The following SLC4A4 variants were observed in gnomAD, a reference collection of about 807,000 sequenced individuals.
SLC4A4 encodes electrogenic sodium bicarbonate cotransporter 1.
Under a neutral mutation model 111.5 loss-of-function variants are expected in SLC4A4, and 27 were observed. That is an observed-to-expected ratio of 0.24 (90% CI 0.18 to 0.33). The LOEUF (loss-of-function observed/expected upper bound fraction) is 0.33, where lower values mean the gene tolerates loss of function less well. SLC4A4 is among the 10% of genes least tolerant of loss of function. SLC4A4 has a pLI of 1.00. For missense variants in SLC4A4, 909 were observed against 1,315.5 expected, an observed-to-expected ratio of 0.69 and a Z score of 4.78; for synonymous variants, 443 against 463.4, an observed-to-expected ratio of 0.96 and a Z score of 0.57.
chr4:71,537,311 A>G (rs1011780431), intron 18 of SLC4A4, among the ~76,000 whole-genome samples: 5 of 152,038 alleles, frequency 3.3e-5, no homozygotes, highest in African/African-American at 7.2e-5. Context: ...ATATGTATAC[A>G]CATATGTCTA....
chr4:71,305,445 T>TTTA (rs1725603793), intron 3 of SLC4A4, among the ~76,000 whole-genome samples: 1 of 152,174 alleles, frequency 6.6e-6, no homozygotes, highest in Non-Finnish European at 1.5e-5. Context: ...TTTATAAGGG[T>TTTA]TTAGCATGTT....
intron 3 of SLC4A4, among the ~76,000 whole-genome samples, chr4:71,280,411 A>G (rs944409731): frequency 6.6e-6 from 1 of 152,104 alleles, no homozygotes; most frequent in African/African-American, 2.4e-5. Context: ...TTGTAGTCCC[A>G]TGTATTTATT....
intron 2 of SLC4A4, among the ~76,000 whole-genome samples, chr4:71,093,520 ATAGT>A (rs1384014235): frequency 9.2e-5 from 14 of 152,330 alleles, no homozygotes; most frequent in African/African-American, 1.2e-4. Flanking sequence ...TAAATCATAA[ATAGT>A]TAGGGATAGA....
At chr4:71,140,725 C>T (rs146067772) in intron 2 of SLC4A4, among the ~76,000 whole-genome samples, 51 of 152,230 alleles carry the variant, frequency 3.4e-4, no homozygotes, top group Middle Eastern at 6.8e-3. Flanking sequence ...CATCATATGA[C>T]GATCTGTTGG....
At chr4:71,555,231 A>C in intron 21 of SLC4A4, 23 bp downstream of exon 21, 1 of 1,480,674 alleles carries the variant, frequency 6.8e-7, no homozygotes, top group Non-Finnish European at 9.4e-7. Context: ...ATAGCAATGT[A>C]AGTACAGTAG....
chr4:71,276,746 G>A (rs1723099504), intron 3 of SLC4A4, among the ~76,000 whole-genome samples: 1 of 152,066 alleles, frequency 6.6e-6, no homozygotes, highest in African/African-American at 2.4e-5. Context: ...CTGGTTCCAG[G>A]CTTTTGAAAT....
intron 3 of SLC4A4, among the ~76,000 whole-genome samples, chr4:71,328,524 G>A (rs1322974088): frequency 6.6e-6 from 1 of 151,978 alleles, no homozygotes; most frequent in East Asian, 1.9e-4. Flanking sequence ...TTTTAACTGG[G>A]TGATATGATC....
At chr4:71,370,428 T>C (rs1731758579) in intron 6 of SLC4A4, among the ~76,000 whole-genome samples, 1 of 152,224 alleles carries the variant, frequency 6.6e-6, no homozygotes, top group Non-Finnish European at 1.5e-5. Context: ...ATTCTTTTAC[T>C]ACTTAATGAT....
intron 3 of SLC4A4, among the ~76,000 whole-genome samples, chr4:71,259,863 A>T (rs912182785): frequency 6.6e-6 from 1 of 152,192 alleles, no homozygotes; most frequent in African/African-American, 2.4e-5. Context: ...AGATGGTAGG[A>T]AACAAAGCTA....
At position 71,450,483 on chromosome 4, in the gene SLC4A4, G is replaced by C; in HGVS notation, c.1148G>C (p.Gly383Ala). Residue 383 changes from glycine (G) to alanine (A), a missense_variant, in exon 10 of 26, where the codon GGG becomes GCG. Around this residue, in one of 7 missense-constraint regions of SLC4A4, gnomAD observed 312 missense variants for 402.0 expected, o/e 0.78. Transcript: ENST00000264485. ...FLDEVIVLPPGEWDPAIRIEP... is the reference protein window; with the variant it reads ...FLDEVIVLPPAEWDPAIRIEP... ...GATGAAGTCATCGTCCTTCCACCTG[G>C]GGAATGGGATCCAGCAATTAGGATA... 6.2e-7 allele frequency: 1 copy of C among 1,613,788 alleles called. No homozygotes were observed. Among genetic ancestry groups the C allele is most frequent in the East Asian group, 2.2e-5 (1 of 44,818 alleles).
chr4:71,257,606 A>T (rs1721548552), intron 3 of SLC4A4, among the ~76,000 whole-genome samples: 2 of 152,164 alleles, frequency 1.3e-5, no homozygotes, highest in Non-Finnish European at 2.9e-5. Flanking sequence ...GTTGTGGGAA[A>T]ACTGAATGAA....
intron 1 of SLC4A4, among the ~76,000 whole-genome samples, chr4:71,197,706 C>T (rs1746070595): frequency 6.6e-6 from 1 of 151,874 alleles, no homozygotes. Context: ...GCACATGTAC[C>T]CTAGAACTTA....
intron 2 of SLC4A4, among the ~76,000 whole-genome samples, chr4:71,157,970 T>C (rs76288702): frequency 0.018 from 2,673 of 152,172 alleles, 80 homozygotes; most frequent in African/African-American, 0.06. Flanking sequence ...TGATGAAAAA[T>C]GAATTTCATG....
intron 7 of SLC4A4, among the ~76,000 whole-genome samples, chr4:71,421,901 A>G (rs1367878655): frequency 6.6e-6 from 1 of 152,090 alleles, no homozygotes; most frequent in Non-Finnish European, 1.5e-5. Context: ...TCCAAAATTG[A>G]CACCCTAACA....
chr4:71,485,880 G>A (rs1353850965), intron 14 of SLC4A4, among the ~76,000 whole-genome samples: 1 of 151,372 alleles, frequency 6.6e-6, no homozygotes. Context: ...AGATTTTAGG[G>A]AAAAACAGTG....
rs1266669686 is a variant in SLC4A4, at chr4:71,450,342, G to A, written c.1054-47G>A. 3 of 1,354,034 alleles carry A rather than the reference G, an allele frequency of 2.2e-6. 1 individual carries two copies. In the South Asian group the frequency reaches 3.5e-5, roughly 16 times the overall value. 83.9% of individuals were successfully genotyped at this position (1,354,034 alleles called of 1,614,324 possible). ...TCAGGCTTGATATGGTGTGAAGCAT[G>A]TACAGAGTTATCTTTTTGGATGAGC... On this transcript the variant is annotated intron_variant, in intron 9 of 25. Coordinates refer to ENST00000264485, the MANE Select transcript of SLC4A4 (RefSeq NM_001098484.3).
At chr4:71,136,071 C>T (rs1457174234) in intron 2 of SLC4A4, among the ~76,000 whole-genome samples, 1 of 152,178 alleles carries the variant, frequency 6.6e-6, no homozygotes, top group Non-Finnish European at 1.5e-5. Flanking sequence ...CTTTTCCCAC[C>T]CATAGTGCTG....
At chr4:71,156,041 G>A (rs574565114) in intron 2 of SLC4A4, among the ~76,000 whole-genome samples, 7 of 152,236 alleles carry the variant, frequency 4.6e-5, no homozygotes, top group African/African-American at 1.7e-4. Context: ...ATTTAATAAA[G>A]AGGAGCTCAG....
intron 15 of SLC4A4, among the ~76,000 whole-genome samples, chr4:71,487,387 A>G (rs1729511040): frequency 6.6e-6 from 1 of 151,690 alleles, no homozygotes; most frequent in Non-Finnish European, 1.5e-5. Context: ...CGTATGGTTA[A>G]GAATTCTTAC....
Sources: allele counts gnomAD v4.1 joint callset (sites outside exome capture counted in the v4.1 genomes callset), GRCh38; gene constraint gnomAD v4.1.1; regional missense constraint gnomAD v4.1.1; transcripts MANE v1.5; gene names NCBI Gene and HGNC (gene_info 2026-07-23, HGNC 2026-07-21).